PTGR1: variants seen among roughly 807,000 people sequenced by gnomAD.
PTGR1 encodes the protein 15-oxoprostaglandin 13-reductase.
A neutral mutation model predicts 37.7 loss-of-function variants in PTGR1; 23 were observed. The ratio of observed to expected loss-of-function variants is 0.61; its 90% CI spans 0.44 to 0.86. The LOEUF (loss-of-function observed/expected upper bound fraction) is 0.86. PTGR1 is among the 40% of genes least tolerant of loss of function. The pLI is 0.00. For missense variants in PTGR1, 351 were observed against 394.3 expected, an observed-to-expected ratio of 0.89 and a Z score of 0.93; for synonymous variants, 134 against 140.0, an observed-to-expected ratio of 0.96 and a Z score of 0.30.
chr9:111,550,322 G>T (rs1445118216), intron 9 of PTGR1, among the ~76,000 whole-genome samples: 1 of 152,146 alleles, frequency 6.6e-6, no homozygotes. Context: ...TTGCTTCTTT[G>T]TCTGCTCTTT....
At chr9:111,567,849 A>G (rs967163715) in intron 9 of PTGR1, among the ~76,000 whole-genome samples, 2 of 152,226 alleles carry the variant, frequency 1.3e-5, no homozygotes, top group Non-Finnish European at 2.9e-5. Flanking sequence ...GGCTGGAGCC[A>G]TGGCAGAGGA....
intron 2 of PTGR1, among the ~76,000 whole-genome samples, chr9:111,596,017 G>C (rs1829769941): frequency 6.6e-6 from 1 of 152,164 alleles, no homozygotes. Context: ...TGAGGATAGA[G>C]AGGACATCCT....
At chr9:111,598,938 G>GC (rs1829860609) in intron 1 of PTGR1, among the ~76,000 whole-genome samples, 1 of 152,082 alleles carries the variant, frequency 6.6e-6, no homozygotes, top group South Asian at 2.1e-4. Context: ...TGGCCAACAA[G>GC]CCCCCATTCC....
intron 1 of PTGR1, 85 bp from the exon 2 acceptor site, chr9:111,597,517 C>T (rs1829818936): frequency 1.6e-5 from 12 of 755,370 alleles, no homozygotes; most frequent in Non-Finnish European, 2.4e-5. Context: ...GACCAGACAG[C>T]ACAATTACAA....
At chr9:111,578,732 G>T in intron 7 of PTGR1, 64 bp downstream of exon 7, 1 of 1,431,794 alleles carries the variant, frequency 7.0e-7, no homozygotes. Flanking sequence ...CCCAGGGGTA[G>T]GAGACTCCTG....
intron 7 of PTGR1, 54 bp from the exon 8 acceptor site, chr9:111,574,896 G>A: frequency 7.3e-7 from 1 of 1,364,084 alleles, no homozygotes; most frequent in East Asian, 2.3e-5. Context: ...AGAGATTCAG[G>A]AGAATCATTA....
At position 111,578,842 on chromosome 9, in the gene PTGR1, G is replaced by A. The variant is rs75326768; in HGVS notation, c.605C>T (p.Thr202Ile). The A allele has an allele frequency of 4.8e-3, 7,707 of 1,610,232 alleles. 34 individuals are homozygous for A. Among genetic ancestry groups the A allele is most frequent in the Non-Finnish European group, 5.3e-3 (6,239 of 1,178,836 alleles). ...ACCATCAGGAGACGCTTTCTTCAAG[G>A]TTTCTTCCAAAGACTCTACCGTCTT... is the stretch of plus-strand genomic sequence containing the variant. ...NYKTVESLEE[T>I]LKKASPDGYD... The change falls in exon 7 of 10, where the codon ACC becomes ATC. Residue 202 changes from threonine (T) to isoleucine (I), a missense_variant. Coordinates refer to ENST00000407693, the MANE Select transcript of PTGR1 (RefSeq NM_001146108.2).
chr9:111,581,230 A>G (rs183943089), intron 6 of PTGR1, among the ~76,000 whole-genome samples: 7 of 152,370 alleles, frequency 4.6e-5, no homozygotes, highest in Non-Finnish European at 1.0e-4. Flanking sequence ...AGGAAAAAGT[A>G]CAAAAGATGT....
intron 8 of PTGR1, among the ~76,000 whole-genome samples, chr9:111,570,859 G>C (rs933933825): frequency 6.6e-6 from 1 of 152,136 alleles, no homozygotes; most frequent in Non-Finnish European, 1.5e-5. Flanking sequence ...TAACAGCAAA[G>C]GTCTTCGTAA....
chr9:111,565,849 G>C (rs901775742), intron 9 of PTGR1, among the ~76,000 whole-genome samples: 1 of 151,996 alleles, frequency 6.6e-6, no homozygotes, highest in Non-Finnish European at 1.5e-5. Context: ...AATAAAAAGT[G>C]AATTTTAAAA....
At chr9:111,566,246 T>A (rs186251246) in intron 9 of PTGR1, among the ~76,000 whole-genome samples, 46 of 152,270 alleles carry the variant, frequency 3.0e-4, no homozygotes, top group African/African-American at 1.1e-3. Context: ...TAACTAACTA[T>A]GATCAGCTTC....
chr9:111,585,954 A>G (rs1475599638), intron 5 of PTGR1, 44 bp downstream of exon 5: 2 of 1,602,832 alleles, frequency 1.2e-6, no homozygotes, highest in East Asian at 4.5e-5. Context: ...GGAAAATCAG[A>G]GTGTCAGACA....
chr9:111,584,049 C>A (rs1829359212), intron 5 of PTGR1, among the ~76,000 whole-genome samples: 1 of 152,192 alleles, frequency 6.6e-6, no homozygotes, highest in East Asian at 1.9e-4. Context: ...GCATCTGGAG[C>A]TTTCCATGGC....
At chr9:111,570,912 T>C (rs1828790019) in intron 8 of PTGR1, among the ~76,000 whole-genome samples, 1 of 151,956 alleles carries the variant, frequency 6.6e-6, no homozygotes, top group Non-Finnish European at 1.5e-5. Flanking sequence ...GGACAGAATA[T>C]GGGGTGATAG....
chr9:111,574,418 C>T (rs61687806), intron 8 of PTGR1: 11,303 of 164,192 alleles, frequency 0.069, 600 homozygotes, highest in East Asian at 0.25. Context: ...GGCAGGAACA[C>T]AGCTCACTGC....
intron 9 of PTGR1, among the ~76,000 whole-genome samples, chr9:111,555,804 G>A (rs1395623035): frequency 6.6e-6 from 1 of 152,086 alleles, no homozygotes; most frequent in East Asian, 1.9e-4. Context: ...CAGCATTGTG[G>A]ATTATAGTTC....
chr9:111,554,873 G>T (rs1333495815), intron 9 of PTGR1, among the ~76,000 whole-genome samples: 1 of 152,190 alleles, frequency 6.6e-6, no homozygotes, highest in Non-Finnish European at 1.5e-5. Context: ...GTCTACAACT[G>T]AAGTCCAGGG....
At chr9:111,561,659 T>C (rs558019974), downstream of PTGR1, among the ~76,000 whole-genome samples, 5 of 152,320 alleles carry the variant, frequency 3.3e-5, no homozygotes, top group South Asian at 1.0e-3. Flanking sequence ...GCTCTGTGAA[T>C]GACAGATTCC....
chr9:111,563,425 A>G, intron 9 of PTGR1, 194 bp from the exon 10 acceptor site: 1 of 495,274 alleles, frequency 2.0e-6, no homozygotes. Flanking sequence ...AAAAGATTAC[A>G]AAGTACACCT....
Sources: allele counts gnomAD v4.1 joint callset (sites outside exome capture counted in the v4.1 genomes callset), GRCh38; gene constraint gnomAD v4.1.1; transcripts MANE v1.5; gene names NCBI Gene and HGNC (gene_info 2026-07-23, HGNC 2026-07-21).